The following OXR1 variants were observed in gnomAD, a reference collection of about 807,000 sequenced individuals.
The protein encoded by OXR1 is oxidation resistance protein 1.
A neutral mutation model predicts 104.6 loss-of-function variants in OXR1; 41 were observed. That is an observed-to-expected ratio of 0.39 (90% confidence interval 0.31 to 0.51). OXR1 has a LOEUF of 0.51. OXR1 is among the 20% of genes least tolerant of loss of function. The pLI, the probability that OXR1 is intolerant of heterozygous loss-of-function variation, is 0.77. For synonymous variants in OXR1, 348 were observed against 348.4 expected (o/e 1.00, Z 0.01); for missense variants, 955 against 1,031.9 (o/e 0.93, Z 1.02).
chr8:106,383,122 C>A (rs1817226143), intron 2 of OXR1, among the ~76,000 whole-genome samples: 1 of 152,006 alleles, frequency 6.6e-6, no homozygotes, highest in East Asian at 1.9e-4. Context: ...GGTATCTATT[C>A]TAATGGAAAT....
chr8:106,581,885 G>A (rs1391084178), intron 3 of OXR1, among the ~76,000 whole-genome samples: 1 of 151,570 alleles, frequency 6.6e-6, no homozygotes, highest in Non-Finnish European at 1.5e-5. Context: ...TTAGCTGAGT[G>A]TGGTGGCAGG....
At chr8:106,618,292 C>A in intron 3 of OXR1, 2 of 871,508 alleles carry the variant, frequency 2.3e-6, no homozygotes, top group Non-Finnish European at 1.8e-6. Flanking sequence ...TCCAGATGAG[C>A]TGTATGGATC....
chr8:106,751,719 C>T lies in OXR1; in HGVS notation c.*778C>T, dbSNP rs539411359. 1 of 152,562 alleles carries T rather than the reference C, an allele frequency of 6.6e-6. No individual in the cohort carries two copies. The highest frequency in any genetic ancestry group is 2.1e-4 in the South Asian group (1 of 4,822). The allele number at this position is 152,562 out of a possible 1,614,324, so 9.5% of individuals were successfully genotyped here. ...AAACATACTATTTACATATGTGTAGCTTAGTAAGGCATTAACATAAGTACA... is the reference window on the plus strand; with the variant it reads ...AAACATACTATTTACATATGTGTAGTTTAGTAAGGCATTAACATAAGTACA... On this transcript the variant is annotated 3_prime_UTR_variant, in exon 17 of 17. Coordinates refer to ENST00000517566, the MANE Select transcript of OXR1 (RefSeq NM_001198533.2).
At chr8:106,575,923 C>T (rs1390070189) in intron 3 of OXR1, among the ~76,000 whole-genome samples, 1 of 151,344 alleles carries the variant, frequency 6.6e-6, no homozygotes, top group Non-Finnish European at 1.5e-5. Context: ...GAGCAGCAGA[C>T]ACATTAACAA....
At chr8:106,478,665 G>A (rs982335272) in intron 2 of OXR1, among the ~76,000 whole-genome samples, 2 of 151,724 alleles carry the variant, frequency 1.3e-5, no homozygotes, top group African/African-American at 4.8e-5. Context: ...AAGTTAGAGT[G>A]AGATGTCAAT....
Position 106,710,613 on chromosome 8 carries a change from C to A in OXR1, c.1625-9C>A. ...AATTGAATAAACACTGTTTGCATCT[C>A]AATTCTAGGTTCTGCACTTTTAAAA... On this transcript the variant is annotated splice_polypyrimidine_tract_variant and intron_variant, in intron 9 of 16. Coordinates refer to ENST00000517566, the MANE Select transcript of OXR1 (RefSeq NM_001198533.2). 3 of 1,546,872 alleles carry A rather than the reference C, an allele frequency of 1.9e-6. No homozygotes were observed. Among genetic ancestry groups the A allele is most frequent in the Admixed American group, 2.0e-5 (1 of 50,062 alleles).
chr8:106,725,351 G>A (rs934351083), intron 11 of OXR1, among the ~76,000 whole-genome samples: 2 of 152,028 alleles, frequency 1.3e-5, no homozygotes, highest in Non-Finnish European at 2.9e-5. Flanking sequence ...AAAGTGAAGT[G>A]GAAGGAGCTG....
At chr8:106,534,543 T>C (rs929203932) in intron 3 of OXR1, among the ~76,000 whole-genome samples, 1 of 152,270 alleles carries the variant, frequency 6.6e-6, no homozygotes, top group Non-Finnish European at 1.5e-5. Flanking sequence ...CAGTTAGCTG[T>C]GACAGTATAG....
intron 3 of OXR1, among the ~76,000 whole-genome samples, chr8:106,605,615 T>G (rs1586884932): frequency 1.5e-5 from 2 of 136,420 alleles, no homozygotes; most frequent in African/African-American, 5.7e-5. Flanking sequence ...ACCAATATGG[T>G]GAAACCCCGT....
At chr8:106,626,044 T>TTGTG (rs59554916) in intron 3 of OXR1, among the ~76,000 whole-genome samples, 4,699 of 148,378 alleles carry the variant, frequency 0.032, 91 homozygotes, top group Non-Finnish European at 0.044. Flanking sequence ...GTTCTGCGTT[T>TTGTG]TGTGTGTGTG....
intron 6 of OXR1, among the ~76,000 whole-genome samples, chr8:106,686,791 T>C (rs1828775378): frequency 6.6e-6 from 1 of 152,306 alleles, no homozygotes; most frequent in African/African-American, 2.4e-5. Flanking sequence ...TTGGTAATAA[T>C]TCGTTTTCAC....
At chr8:106,415,394 T>C (rs1232208192) in intron 2 of OXR1, among the ~76,000 whole-genome samples, 4 of 152,182 alleles carry the variant, frequency 2.6e-5, no homozygotes, top group Non-Finnish European at 4.4e-5. Context: ...TAAGACAACA[T>C]TCAAATTTAG....
intron 2 of OXR1, among the ~76,000 whole-genome samples, chr8:106,455,966 A>G (rs560964245): frequency 6.6e-6 from 1 of 152,338 alleles, no homozygotes; most frequent in South Asian, 2.1e-4. Flanking sequence ...TAACATTTTT[A>G]TAACTAGTTT....
intron 2 of OXR1, among the ~76,000 whole-genome samples, chr8:106,422,398 T>C (rs931721863): frequency 1.3e-5 from 2 of 152,176 alleles, no homozygotes; most frequent in Admixed American, 6.6e-5. Flanking sequence ...TTCTGAATGA[T>C]AACTTTGTAT....
At chr8:106,672,458 G>A (rs1208227464) in intron 3 of OXR1, among the ~76,000 whole-genome samples, 1 of 151,440 alleles carries the variant, frequency 6.6e-6, no homozygotes, top group Non-Finnish European at 1.5e-5. Flanking sequence ...CTGTACTCCA[G>A]CCTGGGCAAC....
chr8:106,694,080 T>G (rs1563715271), intron 7 of OXR1, among the ~76,000 whole-genome samples: 2 of 152,108 alleles, frequency 1.3e-5, no homozygotes, highest in African/African-American at 4.8e-5. Flanking sequence ...ATAACTGTCT[T>G]TTACTAATTT....
chr8:106,414,926 A>G (rs1035998539), intron 2 of OXR1, among the ~76,000 whole-genome samples: 2 of 152,276 alleles, frequency 1.3e-5, no homozygotes, highest in South Asian at 4.1e-4. Context: ...ATAAGGCTTA[A>G]TAAATAGTAC....
chr8:106,339,217 T>C (rs897635805), intron 1 of OXR1, among the ~76,000 whole-genome samples: 8 of 151,794 alleles, frequency 5.3e-5, no homozygotes, highest in Non-Finnish European at 8.8e-5. Context: ...CAAAATTGGC[T>C]GGGCGTGGTG....
intron 1 of OXR1, among the ~76,000 whole-genome samples, chr8:106,349,476 A>T (rs1178702261): frequency 6.6e-6 from 1 of 152,142 alleles, no homozygotes; most frequent in Non-Finnish European, 1.5e-5. Context: ...ACTTCAAGAT[A>T]TGTAGTTGAG....
Sources: gnomAD v4.1 joint callset for allele counts (sites outside exome capture counted in the v4.1 genomes callset) on GRCh38, gnomAD v4.1.1 for gene constraint, MANE v1.5 for transcripts, NCBI Gene and HGNC (gene_info 2026-07-23, HGNC 2026-07-21) for gene names.